The following ROBO2 variants were observed in gnomAD, a reference collection of about 807,000 sequenced individuals.
ROBO2 encodes the protein roundabout guidance receptor 2.
ROBO2 carries 53 observed loss-of-function variants against 160.8 expected under a neutral mutation model. The ratio of observed to expected loss-of-function variants is 0.33; its 90% CI spans 0.26 to 0.41. ROBO2 has a LOEUF of 0.41. Among genes scored for constraint, ROBO2 ranks in the 10% least tolerant of loss-of-function variants. ROBO2 has a pLI of 1.00. For missense variants in ROBO2, 1,577 were observed against 1,722.4 expected (o/e 0.92, Z 1.49); for synonymous variants, 664 against 611.7 (o/e 1.09, Z -1.26).
intron 2 of ROBO2, among the ~76,000 whole-genome samples, chr3:76,486,065 G>A (rs1182310283): frequency 1.3e-5 from 2 of 152,174 alleles, no homozygotes; most frequent in Non-Finnish European, 2.9e-5. Flanking sequence ...CTCCGGTCCA[G>A]TAATTATAAG....
At chr3:76,777,676 G>A (rs1436569144) in intron 2 of ROBO2, among the ~76,000 whole-genome samples, 2 of 149,970 alleles carry the variant, frequency 1.3e-5, no homozygotes, top group Admixed American at 6.7e-5. Flanking sequence ...AAAATTGCAC[G>A]TGCTTTACTC....
intron 2 of ROBO2, among the ~76,000 whole-genome samples, chr3:77,228,879 A>G (rs934854905): frequency 1.3e-5 from 2 of 152,162 alleles, no homozygotes; most frequent in African/African-American, 4.8e-5. Flanking sequence ...AACCTCATCA[A>G]TCTAAATGGA....
At chr3:76,555,751 A>G (rs1019463977) in intron 2 of ROBO2, among the ~76,000 whole-genome samples, 9 of 152,122 alleles carry the variant, frequency 5.9e-5, no homozygotes, top group African/African-American at 9.7e-5. Context: ...GTAATTAGTT[A>G]AGAGGTTCTC....
intron 21 of ROBO2, among the ~76,000 whole-genome samples, chr3:77,615,996 G>A (rs1249468268): frequency 6.6e-6 from 1 of 152,180 alleles, no homozygotes; most frequent in Non-Finnish European, 1.5e-5. Context: ...GAAACTGTAT[G>A]AGGTGCAAGA....
intron 2 of ROBO2, among the ~76,000 whole-genome samples, chr3:77,235,416 G>A (rs146489389): frequency 0.013 from 2,013 of 151,328 alleles, 15 homozygotes; most frequent in Admixed American, 0.018. Flanking sequence ...GCAGTGGCGC[G>A]ATCTCGACTC....
chr3:76,924,956 C>A (rs1371236846), intron 2 of ROBO2, among the ~76,000 whole-genome samples: 2 of 152,196 alleles, frequency 1.3e-5, no homozygotes, highest in African/African-American at 2.4e-5. Context: ...CGCCTGTAAT[C>A]CCAGCACTTT....
chr3:76,956,048 C>T (rs2079232284), intron 2 of ROBO2, among the ~76,000 whole-genome samples: 1 of 152,010 alleles, frequency 6.6e-6, no homozygotes, highest in Admixed American at 6.6e-5. Flanking sequence ...AAAAAAGCTC[C>T]CTTCTCACCA....
chr3:76,382,117 C>T (rs2076657581), intron 2 of ROBO2, among the ~76,000 whole-genome samples: 1 of 152,070 alleles, frequency 6.6e-6, no homozygotes, highest in Non-Finnish European at 1.5e-5. Context: ...AGGTGTGCAC[C>T]AATATGCCTG....
intron 2 of ROBO2, among the ~76,000 whole-genome samples, chr3:76,320,915 C>A (rs1318814196): frequency 6.6e-6 from 1 of 152,120 alleles, no homozygotes; most frequent in African/African-American, 2.4e-5. Context: ...TATGGAACAA[C>A]GTAGATATAC....
intron 2 of ROBO2, among the ~76,000 whole-genome samples, chr3:75,968,945 T>G (rs1239566649): frequency 1.3e-5 from 2 of 149,964 alleles, no homozygotes; most frequent in East Asian, 4.0e-4. Flanking sequence ...AGTACATAGA[T>G]AGCACATAGA....
intron 2 of ROBO2, among the ~76,000 whole-genome samples, chr3:77,462,715 T>C (rs1418029830): frequency 6.6e-6 from 1 of 152,220 alleles, no homozygotes; most frequent in East Asian, 1.9e-4. Flanking sequence ...TAAAGAAGTA[T>C]AAAGTAGATG....
chr3:76,904,770 C>T (rs974336445), intron 2 of ROBO2, among the ~76,000 whole-genome samples: 6 of 152,118 alleles, frequency 3.9e-5, no homozygotes, highest in Non-Finnish European at 7.4e-5. Context: ...GCCTTTCCCA[C>T]GCAAAGAACA....
At chr3:77,269,578 C>G (rs2059354986) in intron 2 of ROBO2, among the ~76,000 whole-genome samples, 1 of 151,558 alleles carries the variant, frequency 6.6e-6, no homozygotes, top group Admixed American at 6.6e-5. Context: ...TTAAGGAATT[C>G]CAATGAAAAC....
intron 2 of ROBO2, among the ~76,000 whole-genome samples, chr3:76,959,846 C>G (rs2079525842): frequency 6.6e-6 from 1 of 152,034 alleles, no homozygotes; most frequent in South Asian, 2.1e-4. Context: ...TCATTATTCA[C>G]TCTTAAGCAT....
intron 2 of ROBO2, among the ~76,000 whole-genome samples, chr3:76,597,282 T>G (rs2086796441): frequency 6.6e-6 from 1 of 152,006 alleles, no homozygotes; most frequent in South Asian, 2.1e-4. Flanking sequence ...AAATTTAAAC[T>G]TTTACTCTGT....
At chr3:77,634,593 C>A (rs886503135) in intron 23 of ROBO2, 14 of 407,742 alleles carry the variant, frequency 3.4e-5, no homozygotes, top group Non-Finnish European at 4.1e-5. Context: ...TATAATCATG[C>A]AATATTGAGT....
intron 2 of ROBO2, among the ~76,000 whole-genome samples, chr3:76,237,575 A>C (rs1032884010): frequency 1.3e-5 from 2 of 152,166 alleles, no homozygotes; most frequent in African/African-American, 4.8e-5. Context: ...CTTAAAAAAG[A>C]AGCTCAATGT....
intron 2 of ROBO2, among the ~76,000 whole-genome samples, chr3:77,278,247 A>G (rs1357600814): frequency 6.6e-6 from 1 of 152,198 alleles, no homozygotes; most frequent in Admixed American, 6.5e-5. Context: ...GTTGTTTGCC[A>G]TTATCATCTC....
intron 5 of ROBO2, among the ~76,000 whole-genome samples, chr3:77,501,297 A>G (rs1208600133): frequency 6.6e-6 from 1 of 151,832 alleles, no homozygotes. Context: ...CATTAACTCT[A>G]AGCAAAAGGT....
Sources: gnomAD v4.1 joint callset for allele counts (sites outside exome capture counted in the v4.1 genomes callset) on GRCh38, gnomAD v4.1.1 for gene constraint, MANE v1.5 for transcripts, NCBI Gene and HGNC (gene_info 2026-07-23, HGNC 2026-07-21) for gene names.